The following IGF2BP3 variants were observed in gnomAD, a reference collection of about 807,000 sequenced individuals.
IGF2BP3 encodes insulin like growth factor 2 mRNA binding protein 3, also known as insulin-like growth factor 2 mRNA-binding protein 3.
A neutral mutation model predicts 73.8 loss-of-function variants in IGF2BP3; 9 were observed. That is an observed-to-expected ratio of 0.12 (90% CI 0.07 to 0.21). The LOEUF (loss-of-function observed/expected upper bound fraction) is 0.21. Among genes scored for constraint, IGF2BP3 ranks in the 10% least tolerant of loss-of-function variants. The probability of loss-of-function intolerance (pLI) is 1.00; values close to 1 mark genes in which losing one functional copy is unlikely to be tolerated. For missense variants in IGF2BP3, 542 were observed against 714.0 expected (o/e 0.76, Z 2.75); for synonymous variants, 258 against 256.7 (o/e 1.01, Z -0.05).
intron 3 of IGF2BP3, among the ~76,000 whole-genome samples, chr7:23,379,676 G>A (rs1006018593): frequency 6.6e-6 from 1 of 152,094 alleles, no homozygotes; most frequent in Non-Finnish European, 1.5e-5. Flanking sequence ...AAGTTCACCT[G>A]GAGTTTAAAG....
chr7:23,322,123 G>T (rs1344490271), intron 10 of IGF2BP3, among the ~76,000 whole-genome samples: 1 of 152,134 alleles, frequency 6.6e-6, no homozygotes. Context: ...CAATTACTGT[G>T]AGCTACGGGA....
chr7:23,319,580 TTAAG>T (rs146075134), intron 10 of IGF2BP3, among the ~76,000 whole-genome samples: 10,875 of 152,150 alleles, frequency 0.071, 492 homozygotes, highest in Middle Eastern at 0.13. Flanking sequence ...GCATTAAAAA[TTAAG>T]TAAGAGCCCC....
At position 23,312,671 on chromosome 7, in the gene IGF2BP3, G is replaced by T. The variant is rs572696527; in HGVS notation, c.1641+64C>A. On this transcript the variant is annotated intron_variant, in intron 14 of 14. Coordinates refer to ENST00000258729, the MANE Select transcript of IGF2BP3 (RefSeq NM_006547.3). ...CCTTAACTAATTCTATCAGGTAGGAGCACCTGTGGGAGAATTGCTTCCACG... is the reference window on the plus strand; with the variant it reads ...CCTTAACTAATTCTATCAGGTAGGATCACCTGTGGGAGAATTGCTTCCACG... 828 of 1,135,940 alleles carry T rather than the reference G, an allele frequency of 7.3e-4. 2 individuals carry two copies. The highest frequency in any genetic ancestry group is 9.7e-4 in the Non-Finnish European group (738 of 762,946). 70.4% of individuals were successfully genotyped at this position (1,135,940 alleles called of 1,614,324 possible). A position where few individuals can be genotyped will look rare whatever the true frequency, so the allele number is the denominator to read the frequency against.
intron 3 of IGF2BP3, chr7:23,402,544 C>T (rs1051778910): frequency 1.3e-5 from 2 of 152,170 alleles, no homozygotes; most frequent in African/African-American, 4.8e-5. Flanking sequence ...CTTACACCTT[C>T]CACGGGAAAG....
intron 5 of IGF2BP3, among the ~76,000 whole-genome samples, chr7:23,359,949 G>C (rs999888848): frequency 4.0e-5 from 6 of 151,714 alleles, no homozygotes; most frequent in African/African-American, 1.5e-4. Context: ...TATATAAATT[G>C]CCAAAAAATT....
intron 2 of IGF2BP3, among the ~76,000 whole-genome samples, chr7:23,433,111 T>TA: frequency 6.6e-6 from 1 of 152,184 alleles, no homozygotes; most frequent in Non-Finnish European, 1.5e-5. Flanking sequence ...CCTAAAAAAT[T>TA]AGAGTGGTAA....
At chr7:23,437,100 TAG>T (rs776247602) in intron 2 of IGF2BP3, among the ~76,000 whole-genome samples, 6 of 151,460 alleles carry the variant, frequency 4.0e-5, no homozygotes, top group African/African-American at 1.5e-4. Context: ...GCCTGGGCGA[TAG>T]AGTCAGACCC....
chr7:23,360,247 A>C (rs568710415), intron 5 of IGF2BP3, among the ~76,000 whole-genome samples: 2 of 152,338 alleles, frequency 1.3e-5, no homozygotes, highest in South Asian at 4.1e-4. Context: ...ACATGCAAAA[A>C]CAGATTCACT....
rs1234004201 is a variant in IGF2BP3, at chr7:23,469,355, G to C, written c.175+581C>G. The C allele has an allele frequency of 1.3e-5, 2 of 152,198 alleles. No homozygotes were observed. Among genetic ancestry groups the C allele is most frequent in the African/African-American group, 4.8e-5 (2 of 41,456 alleles). 9.4% of individuals were successfully genotyped at this position (152,198 alleles called of 1,614,324 possible). ...CCTGCCCCTATCGCTCGTCGGACCA[G>C]GGGAGGTGGAACGGGGAAACCGGGC... On this transcript the variant is annotated intron_variant, in intron 1 of 14. Coordinates refer to ENST00000258729, the MANE Select transcript of IGF2BP3 (RefSeq NM_006547.3). The surrounding 1 kb of genome is among the most constrained non-coding windows in gnomAD (Gnocchi z 6.1).
intron 3 of IGF2BP3, among the ~76,000 whole-genome samples, chr7:23,412,553 G>C (rs983869034): frequency 6.6e-6 from 1 of 152,166 alleles, no homozygotes; most frequent in Non-Finnish European, 1.5e-5. Flanking sequence ...CCAGCATGGA[G>C]AACCTGGTGC....
chr7:23,434,526 G>A (rs1361861801), intron 2 of IGF2BP3, among the ~76,000 whole-genome samples: 1 of 152,158 alleles, frequency 6.6e-6, no homozygotes, highest in African/African-American at 2.4e-5. Flanking sequence ...AACTCAGTAT[G>A]AGAATTCTCA....
At chr7:23,325,359 T>G in intron 10 of IGF2BP3, among the ~76,000 whole-genome samples, 1 of 152,104 alleles carries the variant, frequency 6.6e-6, no homozygotes, top group Non-Finnish European at 1.5e-5. Flanking sequence ...GGAATCCAAC[T>G]TACAAGGGAT....
At chr7:23,426,645 G>A (rs1390487915) in intron 2 of IGF2BP3, among the ~76,000 whole-genome samples, 1 of 152,194 alleles carries the variant, frequency 6.6e-6, no homozygotes, top group Non-Finnish European at 1.5e-5. Flanking sequence ...TCCTGTAATA[G>A]TGTTTAATAC....
intron 10 of IGF2BP3, among the ~76,000 whole-genome samples, chr7:23,334,333 A>G (rs556462144): frequency 1.4e-4 from 22 of 152,316 alleles, no homozygotes; most frequent in Admixed American, 1.1e-3. Flanking sequence ...CTGTCTCAAA[A>G]AATAAAAAAG....
Position 23,470,133 on chromosome 7 carries a change from A to C in IGF2BP3, c.-23T>G. Reference sequence around the variant, plus strand: ...CATTGTGAAGAGTGGTTGTTTAAAAAAAAATAACGAGAAAAAACGAAAAAT... The same window carrying C: ...CATTGTGAAGAGTGGTTGTTTAAAACAAAATAACGAGAAAAAACGAAAAAT... On this transcript the variant is annotated 5_prime_UTR_variant, in exon 1 of 15. Transcript: ENST00000258729. 1.3e-6 allele frequency: 2 copies of C among 1,564,856 alleles called. No individual in the cohort carries two copies. The highest frequency in any genetic ancestry group is 1.7e-6 in the Non-Finnish European group (2 of 1,156,834).
At chr7:23,362,594 A>G (rs1385606115) in intron 3 of IGF2BP3, 1 of 152,226 alleles carries the variant, frequency 6.6e-6, no homozygotes, top group Admixed American at 6.5e-5. Flanking sequence ...TAGAACAGTA[A>G]CTGTAAGTTT....
chr7:23,388,338 T>A (rs888399411), intron 3 of IGF2BP3, among the ~76,000 whole-genome samples: 1 of 152,196 alleles, frequency 6.6e-6, no homozygotes, highest in Non-Finnish European at 1.5e-5. Context: ...TTCTCCTTTA[T>A]CAACTTAGGT....
At chr7:23,313,365 A>C (rs961738077) in intron 13 of IGF2BP3, among the ~76,000 whole-genome samples, 157 bp downstream of exon 13, 1 of 152,230 alleles carries the variant, frequency 6.6e-6, no homozygotes, top group South Asian at 2.1e-4. Flanking sequence ...GCTGGCACCA[A>C]CACTCAGACA....
At chr7:23,332,503 A>G (rs1408152120) in intron 10 of IGF2BP3, among the ~76,000 whole-genome samples, 4 of 152,246 alleles carry the variant, frequency 2.6e-5, no homozygotes, top group African/African-American at 4.8e-5. Flanking sequence ...ACATCAGAAG[A>G]AGACTTGCCT....
Sources: allele counts gnomAD v4.1 joint callset (sites outside exome capture counted in the v4.1 genomes callset), GRCh38; gene constraint gnomAD v4.1.1; non-coding constraint Gnocchi (gnomAD v3.1); transcripts MANE v1.5; gene names NCBI Gene and HGNC (gene_info 2026-07-23, HGNC 2026-07-21).